RNF144A: variants seen among roughly 807,000 people sequenced by gnomAD.
The protein encoded by RNF144A is ring finger protein 144A.
In RNF144A, 11 loss-of-function variants were observed where a neutral mutation model predicts 38.7. The observed-to-expected ratio is 0.28, with a 90% CI of 0.18 to 0.47. The LOEUF is 0.47. RNF144A is among the 20% of genes least tolerant of loss of function. The pLI is 0.99. For missense variants in RNF144A, 316 were observed against 377.2 expected (o/e 0.84, Z 1.34); for synonymous variants, 149 against 143.9 (o/e 1.04, Z -0.25).
chr2:7,006,199 A>T (rs771781390), intron 3 of RNF144A, among the ~76,000 whole-genome samples: 1 of 152,066 alleles, frequency 6.6e-6, no homozygotes, highest in Admixed American at 6.6e-5. Flanking sequence ...GTTCCTGCAC[A>T]TTAATCTTGG....
intron 2 of RNF144A, among the ~76,000 whole-genome samples, chr2:6,969,401 C>T (rs6730671): frequency 0.037 from 5,661 of 152,182 alleles, 320 homozygotes; most frequent in African/African-American, 0.13. Context: ...AAAGAGAAGA[C>T]GGCCACCGAC....
intron 3 of RNF144A, among the ~76,000 whole-genome samples, chr2:7,007,698 G>C (rs561593613): frequency 1.3e-5 from 2 of 152,140 alleles, no homozygotes; most frequent in African/African-American, 4.8e-5. Flanking sequence ...TGTTGGTGCT[G>C]TCTGTGTGCA....
chr2:7,029,474 G>T (rs1027789779), intron 7 of RNF144A, among the ~76,000 whole-genome samples: 1 of 152,226 alleles, frequency 6.6e-6, no homozygotes, highest in Non-Finnish European at 1.5e-5. Flanking sequence ...GGTGTTCCTG[G>T]AGTGCAGAGA....
intron 2 of RNF144A, among the ~76,000 whole-genome samples, chr2:6,985,976 A>C (rs1394582433): frequency 6.6e-6 from 1 of 152,130 alleles, no homozygotes; most frequent in Non-Finnish European, 1.5e-5. Flanking sequence ...GCCCGGCCGC[A>C]TGTTTTATCT....
chr2:7,075,173 T>A, the RNF144A span, among the ~76,000 whole-genome samples: 30 of 152,036 alleles, frequency 2.0e-4, no homozygotes, highest in Non-Finnish European at 3.4e-4. Context: ...TGGGAAGACA[T>A]CTTTCCTCTT....
chr2:6,928,268 C>T (rs532969414), intron 1 of RNF144A, among the ~76,000 whole-genome samples: 31 of 152,284 alleles, frequency 2.0e-4, no homozygotes, highest in African/African-American at 7.0e-4. Flanking sequence ...TTCCTTAAGA[C>T]GCTCTACTGT....
At chr2:7,064,641 C>A (rs1027275477) in intron 6 of RNF144A, among the ~76,000 whole-genome samples, 6 of 152,036 alleles carry the variant, frequency 3.9e-5, no homozygotes, top group Non-Finnish European at 8.8e-5. Flanking sequence ...TGAGCACGGA[C>A]CAACACAGGC....
At chr2:7,044,446 T>A (rs566890579), downstream of RNF144A, among the ~76,000 whole-genome samples, 2 of 152,214 alleles carry the variant, frequency 1.3e-5, no homozygotes, top group South Asian at 4.1e-4. Context: ...TATCAACCCG[T>A]CCAGCCATTC....
intron 2 of RNF144A, among the ~76,000 whole-genome samples, chr2:6,990,212 C>T (rs1669240749): frequency 6.6e-6 from 1 of 151,974 alleles, no homozygotes; most frequent in African/African-American, 2.4e-5. Flanking sequence ...TGAGGACATC[C>T]CCCTGGCTTA....
At chr2:6,947,566 T>C (rs921412065) in intron 2 of RNF144A, among the ~76,000 whole-genome samples, 54 of 152,222 alleles carry the variant, frequency 3.5e-4, no homozygotes, top group Admixed American at 1.5e-3. Flanking sequence ...TTAAATCTTT[T>C]AAAACTGACA....
At chr2:7,000,724 G>A (rs2103396998) in intron 3 of RNF144A, among the ~76,000 whole-genome samples, 1 of 151,990 alleles carries the variant, frequency 6.6e-6, no homozygotes, top group South Asian at 2.1e-4. Flanking sequence ...CTAGTTATCT[G>A]GGAAGGTAGA....
Position 6,917,597 on chromosome 2 carries a change from C to T in RNF144A, c.-237C>T, listed in dbSNP as rs902025578. On this transcript the variant is annotated 5_prime_UTR_variant, in exon 1 of 9. Transcript: ENST00000320892. The surrounding 1 kb of genome is among the most constrained non-coding windows in gnomAD (Gnocchi z 4.8). The stretch of plus-strand genomic sequence containing the variant: ...CAGTACCGGGCGGAGGCGTCAGAGC[C>T]GCGCACCGCGGACGAGCAGGCCCAG... The T allele has an allele frequency of 6.8e-6, 1 of 147,832 alleles. No homozygotes were observed. The highest frequency in any genetic ancestry group is 6.7e-5 in the Admixed American group (1 of 14,880). 9.2% of individuals were successfully genotyped at this position (147,832 alleles called of 1,614,324 possible). A position where few individuals can be genotyped will look rare whatever the true frequency, so the allele number is the denominator to read the frequency against.
At chr2:7,068,450 C>T (rs1213439490), downstream of RNF144A, among the ~76,000 whole-genome samples, 13 of 151,996 alleles carry the variant, frequency 8.6e-5, no homozygotes, top group Admixed American at 3.3e-4. Flanking sequence ...TCCCTCTGGC[C>T]GAGAGGATGG....
intron 8 of RNF144A, among the ~76,000 whole-genome samples, chr2:7,034,114 A>G (rs1481439441): frequency 6.6e-6 from 1 of 152,192 alleles, no homozygotes; most frequent in East Asian, 1.9e-4. Context: ...ATTCAAAGAC[A>G]GGAAGAACTG....
rs1450645588 is a variant in RNF144A, at chr2:7,030,261, G to C, written c.747+46G>C. On this transcript the variant is annotated intron_variant, in intron 8 of 8. Transcript: ENST00000320892. ...AAGGTTGATCTCAGAGAGAGACTGT[G>C]TGTGTGTGTGTGTGTGTGTGTGTGT... 3.7e-5 allele frequency: 5 copies of C among 134,862 alleles called. No homozygotes were observed. In the African/African-American group the frequency reaches 7.5e-4, roughly 20 times the overall value. The allele number at this position is 134,862 out of a possible 1,614,324, so 8.4% of individuals were successfully genotyped here. A position where few individuals can be genotyped will look rare whatever the true frequency, so the allele number is the denominator to read the frequency against.
At chr2:7,015,449 A>G (rs1378519022) in intron 5 of RNF144A, among the ~76,000 whole-genome samples, 1 of 152,214 alleles carries the variant, frequency 6.6e-6, no homozygotes, top group Non-Finnish European at 1.5e-5. Context: ...CTGGGCCCTG[A>G]ATAGTCCTTC....
At chr2:7,066,752 T>C (rs1674245654) in intron 6 of RNF144A, among the ~76,000 whole-genome samples, 1 of 152,234 alleles carries the variant, frequency 6.6e-6, no homozygotes, top group Admixed American at 6.5e-5. Context: ...TTACATAGTT[T>C]TCTTCCGGGT....
chr2:6,963,966 C>G (rs1667495666), intron 2 of RNF144A, among the ~76,000 whole-genome samples: 3 of 151,960 alleles, frequency 2.0e-5, no homozygotes, highest in Non-Finnish European at 4.4e-5. Context: ...CTGGCCCACT[C>G]CAGCAGCTGG....
At position 7,040,013 on chromosome 2, in the gene RNF144A, G is replaced by T; in HGVS notation, c.*253G>T. 4.1e-6 allele frequency: 5 copies of T among 1,230,500 alleles called. No individual in the cohort carries two copies. The highest frequency in any genetic ancestry group is 5.1e-6 in the Non-Finnish European group (5 of 979,800). 76.2% of individuals were successfully genotyped at this position (1,230,500 alleles called of 1,614,324 possible). A position where few individuals can be genotyped will look rare whatever the true frequency, so the allele number is the denominator to read the frequency against. On this transcript the variant is annotated 3_prime_UTR_variant, in exon 9 of 9. Coordinates refer to ENST00000320892, the MANE Select transcript of RNF144A (RefSeq NM_014746.6). Reference sequence around the variant, plus strand: ...GATCAATCTCTGCAGATGACAGGGAGGTGCTGTGAGAAGTGCACCAGGCAG... The same window carrying T: ...GATCAATCTCTGCAGATGACAGGGATGTGCTGTGAGAAGTGCACCAGGCAG...
Sources: allele counts gnomAD v4.1 joint callset (sites outside exome capture counted in the v4.1 genomes callset), GRCh38; gene constraint gnomAD v4.1.1; non-coding constraint Gnocchi (gnomAD v3.1); transcripts MANE v1.5; gene names NCBI Gene and HGNC (gene_info 2026-07-23, HGNC 2026-07-21).